AP5M1: variants seen among roughly 807,000 people sequenced by gnomAD.
AP5M1 encodes the protein adaptor related protein complex 5 subunit mu 1, also known as AP-5 complex subunit mu-1.
In AP5M1, 44 loss-of-function variants were observed where a neutral mutation model predicts 52.3. The ratio of observed to expected loss-of-function variants is 0.84; its 90% CI spans 0.66 to 1.08. AP5M1 has a LOEUF of 1.08. Among genes scored for constraint, AP5M1 ranks in the 50% least tolerant of loss-of-function variants. AP5M1 has a pLI of 0.00. For synonymous variants in AP5M1, 213 were observed against 199.0 expected (o/e 1.07, Z -0.59); for missense variants, 526 against 568.4 (o/e 0.93, Z 0.76).
chr14:57,271,546 A>G (rs1884896375), intron 1 of AP5M1, among the ~76,000 whole-genome samples: 1 of 151,772 alleles, frequency 6.6e-6, no homozygotes, highest in Non-Finnish European at 1.5e-5. Flanking sequence ...TTTCCTCTGA[A>G]TTTGTAGGAG....
At chr14:57,269,936 G>A (rs998744867) in intron 1 of AP5M1, among the ~76,000 whole-genome samples, 10 of 152,268 alleles carry the variant, frequency 6.6e-5, no homozygotes, top group Non-Finnish European at 1.3e-4. Context: ...AGCCTCCCGA[G>A]TAGCTGGGAC....
chr14:57,296,274 A>G lies in AP5M1; in HGVS notation c.*7390A>G, dbSNP rs1009647950. 7 of 152,030 alleles carry G rather than the reference A, an allele frequency of 4.6e-5. No homozygotes were observed. Among genetic ancestry groups the G allele is most frequent in the African/African-American group, 1.7e-4 (7 of 41,438 alleles). 9.4% of individuals were successfully genotyped at this position (152,030 alleles called of 1,614,324 possible). On this transcript the variant is annotated 3_prime_UTR_variant, in exon 8 of 8. Coordinates refer to ENST00000261558, the MANE Select transcript of AP5M1 (RefSeq NM_018229.4). ...CTGATTTTTGAAGAACTATTTTCTT[A>G]GATTTACCAACAGGACAAGTTGTCG... is the stretch of plus-strand genomic sequence containing the variant.
In AP5M1 at chr14:57,293,349, C is replaced by T. The variant is rs1291443787; in HGVS notation, c.*4465C>T. ...TGCTTAGTAATTACTGTTCTAGTAG[C>T]ATTTTGCAATACAAGGGATGTATTT... is the stretch of plus-strand genomic sequence containing the variant. On this transcript the variant is annotated 3_prime_UTR_variant, in exon 8 of 8. Coordinates refer to ENST00000261558, the MANE Select transcript of AP5M1 (RefSeq NM_018229.4). 6.6e-6 allele frequency: 1 copy of T among 151,626 alleles called. No homozygotes were observed. Among genetic ancestry groups the T allele is most frequent in the Non-Finnish European group, 1.5e-5 (1 of 67,740 alleles). 9.4% of individuals were successfully genotyped at this position (151,626 alleles called of 1,614,324 possible).
chr14:57,275,465 GAA>G (rs1423288107), intron 2 of AP5M1: 1 of 151,932 alleles, frequency 6.6e-6, no homozygotes, highest in Non-Finnish European at 1.5e-5. Context: ...AGAGAGAAGA[GAA>G]AAGAGAGAGG....
chr14:57,279,510 A>T (rs764129013), intron 2 of AP5M1, among the ~76,000 whole-genome samples: 3 of 152,180 alleles, frequency 2.0e-5, no homozygotes, highest in Non-Finnish European at 4.4e-5. Flanking sequence ...GGGGAACAAC[A>T]ACACTGGGGC....
chr14:57,291,444 C>A lies in AP5M1; in HGVS notation c.*2560C>A, dbSNP rs1885432868. On this transcript the variant is annotated 3_prime_UTR_variant, in exon 8 of 8. Transcript: ENST00000261558. ...ATCGTTCATGATTTTGTAAACGCTT[C>A]TTTTCTCCATTTTTTACTAAACAAT... 1 of 151,702 alleles carries A rather than the reference C, an allele frequency of 6.6e-6. No homozygotes were observed. Among genetic ancestry groups the A allele is most frequent in the African/African-American group, 2.4e-5 (1 of 41,380 alleles). 9.4% of individuals were successfully genotyped at this position (151,702 alleles called of 1,614,324 possible).
Position 57,269,338 on chromosome 14 carries a change from C to T in AP5M1, c.24C>T (p.Leu8=), listed in dbSNP as rs778748769. Residue 8 remains leucine, a synonymous_variant, in exon 1 of 8, where the codon CTC becomes CTT. Coordinates refer to ENST00000261558, the MANE Select transcript of AP5M1 (RefSeq NM_018229.4). Reference sequence around the variant, plus strand: ...CCATGGCGCAGCGGGCAGTGTGGCTCATAAGCCACGAACCGGGAACTCCAC... The same window carrying T: ...CCATGGCGCAGCGGGCAGTGTGGCTTATAAGCCACGAACCGGGAACTCCAC... MAQRAVW[L]ISHEPGTPLC... is the part of the protein sequence containing the mutation. 6.2e-6 allele frequency: 10 copies of T among 1,614,000 alleles called. No individual in the cohort carries two copies. The African/African-American group carries it at 6.7e-5, about 11-fold the overall frequency.
intron 2 of AP5M1, among the ~76,000 whole-genome samples, chr14:57,277,918 A>T (rs1163335569): frequency 6.6e-6 from 1 of 152,114 alleles, no homozygotes; most frequent in Non-Finnish European, 1.5e-5. Context: ...ATACCTGTAG[A>T]TAGTGGACAG....
intron 6 of AP5M1, among the ~76,000 whole-genome samples, chr14:57,284,836 T>C (rs996103084): frequency 6.6e-6 from 1 of 152,058 alleles, no homozygotes. Flanking sequence ...ATTATTGATA[T>C]GGAGAAAATT....
rs1396908140 is a variant in AP5M1 at position 57,292,000 on chromosome 14, C to T, written c.*3116C>T. On this transcript the variant is annotated 3_prime_UTR_variant, in exon 8 of 8. Transcript: ENST00000261558. The stretch of plus-strand genomic sequence containing the variant: ...CTTTTTTAGGATTACATCTTAAATT[C>T]CAACAAATCAGATTTAGGAGTTACT... 6.6e-6 allele frequency: 1 copy of T among 151,772 alleles called. No individual in the cohort carries two copies. Among genetic ancestry groups the T allele is most frequent in the Non-Finnish European group, 1.5e-5 (1 of 67,824 alleles). The allele number at this position is 151,772 out of a possible 1,614,324, so 9.4% of individuals were successfully genotyped here. A position where few individuals can be genotyped will look rare whatever the true frequency, so the allele number is the denominator to read the frequency against.
At chr14:57,275,141 G>A in intron 2 of AP5M1, 2 of 480,368 alleles carry the variant, frequency 4.2e-6, no homozygotes, top group Non-Finnish European at 7.4e-6. Flanking sequence ...TTTCTGTAGG[G>A]ATTAGCTTAG....
chr14:57,269,166 A>C lies in AP5M1; in HGVS notation c.-149A>C. 1 of 696,330 alleles carries C rather than the reference A, an allele frequency of 1.4e-6. No individual in the cohort carries two copies. Among genetic ancestry groups the C allele is most frequent in the South Asian group, 1.8e-5 (1 of 54,784 alleles). The allele number at this position is 696,330 out of a possible 1,614,324, so 43.1% of individuals were successfully genotyped here. On this transcript the variant is annotated 5_prime_UTR_variant, in exon 1 of 8. Transcript: ENST00000261558. ...GAAGCGTTAGTGACTTCACCTAAAA[A>C]AGCTAACCTCTCTGCTGAGCGCGAC...
At chr14:57,282,326 GTC>G in intron 4 of AP5M1, 98 bp downstream of exon 4, 1 of 924,748 alleles carries the variant, frequency 1.1e-6, no homozygotes, top group Non-Finnish European at 1.5e-6. Flanking sequence ...TATTTTTAAG[GTC>G]TGAACAATTT....
chr14:57,275,304 G>A (rs993509598), intron 2 of AP5M1: 89 of 265,998 alleles, frequency 3.3e-4, no homozygotes, highest in Non-Finnish European at 1.7e-4. Context: ...ATTGGAGGAA[G>A]GCCTTAGTTC....
At position 57,274,595 on chromosome 14, in the gene AP5M1, T is replaced by C. The variant is rs139062955; in HGVS notation, c.426T>C (p.Leu142=). The change falls in exon 2 of 8, where the codon CTT becomes CTC. Residue 142 remains leucine, a synonymous_variant. Coordinates refer to ENST00000261558, the MANE Select transcript of AP5M1 (RefSeq NM_018229.4). ...FEFLFGIQDF[L]YSGQKNDSEL... is the part of the protein sequence containing the mutation. The stretch of plus-strand genomic sequence containing the variant: ...TTCTTTTTGGGATACAGGATTTTCT[T>C]TATTCAGGTCAAAAAAATGACTCTG... The C allele has an allele frequency of 3.6e-5, 58 of 1,614,206 alleles. 1 individual carries two copies. In the African/African-American group the frequency reaches 6.9e-4, roughly 19 times the overall value.
chr14:57,285,539 GAA>G (rs200729102), intron 6 of AP5M1, among the ~76,000 whole-genome samples: 1 of 145,342 alleles, frequency 6.9e-6, no homozygotes, highest in Admixed American at 6.8e-5. Context: ...GTTGCAAAAG[GAA>G]AAAAAAAAAT....
chr14:57,282,076 T>C lies in AP5M1; in HGVS notation c.949-13T>C. The C allele has an allele frequency of 6.4e-7, 1 of 1,560,500 alleles. No individual in the cohort carries two copies. Among genetic ancestry groups the C allele is most frequent in the Non-Finnish European group, 8.6e-7 (1 of 1,161,156 alleles). The stretch of plus-strand genomic sequence containing the variant: ...AACCTGAGAATTATATAGACATTTA[T>C]GTTTCTTTTTAGGTCCCTGTCCCAC... On this transcript the variant is annotated splice_polypyrimidine_tract_variant and intron_variant, in intron 3 of 7. Coordinates refer to ENST00000261558, the MANE Select transcript of AP5M1 (RefSeq NM_018229.4).
In AP5M1 at chr14:57,274,620, G is replaced by A; in HGVS notation, c.451G>A (p.Glu151Lys). ...FLYSGQKNDSELNTKLSQLPD... is the reference protein window; with the variant it reads ...FLYSGQKNDSKLNTKLSQLPD... Reference sequence around the variant, plus strand: ...TTATTCAGGTCAAAAAAATGACTCTGAGCTGAATACAAAATTGAGCCAGTT... The same window carrying A: ...TTATTCAGGTCAAAAAAATGACTCTAAGCTGAATACAAAATTGAGCCAGTT... Residue 151 changes from glutamate (E) to lysine (K), a missense_variant, in exon 2 of 8, where the codon GAG becomes AAG. Coordinates refer to ENST00000261558, the MANE Select transcript of AP5M1 (RefSeq NM_018229.4). The A allele has an allele frequency of 1.9e-6, 3 of 1,614,188 alleles. No individual in the cohort carries two copies. Among genetic ancestry groups the A allele is most frequent in the Non-Finnish European group, 2.5e-6 (3 of 1,180,040 alleles).
Position 57,289,017 on chromosome 14 carries a change from T to C in AP5M1, c.*133T>C, listed in dbSNP as rs1885377801. The stretch of plus-strand genomic sequence containing the variant: ...TGATTTAATTGTAAAAGTAGTCTTA[T>C]GTGGTGTTTGTAGTCTGATAGAGCT... On this transcript the variant is annotated 3_prime_UTR_variant, in exon 8 of 8. Coordinates refer to ENST00000261558, the MANE Select transcript of AP5M1 (RefSeq NM_018229.4). 1.8e-6 allele frequency: 1 copy of C among 554,374 alleles called. No homozygotes were observed. The highest frequency in any genetic ancestry group is 2.0e-5 in the African/African-American group (1 of 50,066). The allele number at this position is 554,374 out of a possible 1,614,324, so 34.3% of individuals were successfully genotyped here.
Sources: allele counts gnomAD v4.1 joint callset (sites outside exome capture counted in the v4.1 genomes callset), GRCh38; gene constraint gnomAD v4.1.1; transcripts MANE v1.5; gene names NCBI Gene and HGNC (gene_info 2026-07-23, HGNC 2026-07-21).